LRP1B: variants seen among roughly 807,000 people sequenced by gnomAD.
LRP1B encodes the protein LDL receptor related protein 1B.
LRP1B carries 217 observed loss-of-function variants against 556.6 expected under a neutral mutation model. The ratio of observed to expected loss-of-function variants is 0.39; its 90% CI spans 0.35 to 0.44. The LOEUF (loss-of-function observed/expected upper bound fraction) is 0.44. Among genes scored for constraint, LRP1B ranks in the 20% least tolerant of loss-of-function variants. The pLI is 1.00. For missense variants in LRP1B, 5,053 were observed against 5,620.8 expected (o/e 0.90, Z 3.23); for synonymous variants, 2,047 against 1,865.8 (o/e 1.10, Z -2.50).
At chr2:141,215,337 A>G (rs1682754220) in intron 6 of LRP1B, among the ~76,000 whole-genome samples, 1 of 152,192 alleles carries the variant, frequency 6.6e-6, no homozygotes, top group Non-Finnish European at 1.5e-5. Context: ...TTTTCTTTAT[A>G]AATTACCGAA....
At chr2:142,012,451 A>G (rs1379005458) in intron 1 of LRP1B, among the ~76,000 whole-genome samples, 1 of 152,154 alleles carries the variant, frequency 6.6e-6, no homozygotes, top group Non-Finnish European at 1.5e-5. Context: ...AGGTTTTTAC[A>G]AAGAAGTTGA....
intron 43 of LRP1B, among the ~76,000 whole-genome samples, chr2:140,558,874 T>C (rs1290449300): frequency 6.6e-6 from 1 of 150,562 alleles, no homozygotes; most frequent in Non-Finnish European, 1.5e-5. Flanking sequence ...AGGTAGAGGC[T>C]GCAGTGAGTT....
chr2:140,839,902 T>G, intron 31 of LRP1B, 89 bp downstream of exon 31: 1 of 790,084 alleles, frequency 1.3e-6, no homozygotes, highest in Non-Finnish European at 2.0e-6. Flanking sequence ...ATCTTTAATA[T>G]TTTCTTTCAG....
intron 3 of LRP1B, among the ~76,000 whole-genome samples, chr2:141,306,954 T>A (rs1686613620): frequency 1.3e-5 from 2 of 152,180 alleles, no homozygotes; most frequent in Non-Finnish European, 2.9e-5. Flanking sequence ...TACTCCATTT[T>A]GGTCAGAGAA....
At chr2:141,060,159 G>T (rs1699296421) in intron 8 of LRP1B, among the ~76,000 whole-genome samples, 1 of 151,732 alleles carries the variant, frequency 6.6e-6, no homozygotes, top group African/African-American at 2.4e-5. Flanking sequence ...TATCTTTTTA[G>T]CATATATGAC....
At chr2:140,511,576 C>T (rs1175929940) in intron 51 of LRP1B, among the ~76,000 whole-genome samples, 1 of 152,150 alleles carries the variant, frequency 6.6e-6, no homozygotes, top group Non-Finnish European at 1.5e-5. Flanking sequence ...GCTGGGGTTA[C>T]AGGCGTGAGC....
At chr2:141,225,217 G>A (rs889271354) in intron 6 of LRP1B, among the ~76,000 whole-genome samples, 2 of 152,116 alleles carry the variant, frequency 1.3e-5, no homozygotes, top group African/African-American at 4.8e-5. Context: ...GAGCCCATGA[G>A]TGGCTCAACA....
intron 1 of LRP1B, among the ~76,000 whole-genome samples, chr2:142,054,205 C>T (rs1332060401): frequency 6.6e-6 from 1 of 151,886 alleles, no homozygotes; most frequent in Non-Finnish European, 1.5e-5. Context: ...ATTTAAAATC[C>T]ATTTTAACAC....
chr2:140,693,611 T>A (rs1212599526), intron 41 of LRP1B, among the ~76,000 whole-genome samples: 1 of 152,152 alleles, frequency 6.6e-6, no homozygotes, highest in African/African-American at 2.4e-5. Context: ...ATGTCCTTCA[T>A]AAACATTTTA....
intron 6 of LRP1B, among the ~76,000 whole-genome samples, chr2:141,228,462 G>A (rs892582255): frequency 6.7e-6 from 1 of 150,110 alleles, no homozygotes; most frequent in Admixed American, 6.6e-5. Context: ...AGGAGAGAGA[G>A]AATATGTGTG....
intron 3 of LRP1B, among the ~76,000 whole-genome samples, chr2:141,453,911 T>C (rs1364786207): frequency 1.4e-5 from 2 of 137,960 alleles, no homozygotes; most frequent in East Asian, 2.4e-4. Context: ...AGACTCTGTC[T>C]CAAAAAAAAA....
chr2:141,444,731 A>C (rs191068087), intron 3 of LRP1B, among the ~76,000 whole-genome samples: 2 of 152,290 alleles, frequency 1.3e-5, no homozygotes, highest in African/African-American at 2.4e-5. Context: ...AATTATGTTT[A>C]TTGATTTCCA....
chr2:140,585,767 A>C (rs10928758), intron 43 of LRP1B, among the ~76,000 whole-genome samples: 7,438 of 152,250 alleles, frequency 0.049, 226 homozygotes, highest in Middle Eastern at 0.085. Context: ...CTCTGTGATC[A>C]CATCTACACA....
At chr2:141,020,725 T>G (rs1257945202) in intron 11 of LRP1B, among the ~76,000 whole-genome samples, 1 of 152,024 alleles carries the variant, frequency 6.6e-6, no homozygotes, top group Admixed American at 6.6e-5. Flanking sequence ...CAGGATTATA[T>G]GAGATACAGG....
chr2:141,756,558 C>CAT lies in LRP1B; in HGVS notation c.205+53720_205+53721insAT, dbSNP rs1223894608. On this transcript the variant is annotated intron_variant, in intron 2 of 90. Transcript: ENST00000389484. ...ATCTCTCAAATTACACACACACACA[C>CAT]ACACACACACACACACACACACACA... is the stretch of plus-strand genomic sequence containing the variant. Among the ~76,000 whole-genome samples, 175 of 151,534 alleles carry CAT rather than the reference C, an allele frequency of 1.2e-3. 1 individual carries two copies. Among genetic ancestry groups the CAT allele is most frequent in the African/African-American group, 4.1e-3 (169 of 41,334 alleles).
At chr2:141,124,704 A>G (rs1462431628) in intron 7 of LRP1B, among the ~76,000 whole-genome samples, 2 of 151,752 alleles carry the variant, frequency 1.3e-5, no homozygotes, top group Admixed American at 6.6e-5. Flanking sequence ...TAAAGAGCCC[A>G]TTAAAAGGTA....
At chr2:140,519,739 T>C (rs1690074986) in intron 49 of LRP1B, among the ~76,000 whole-genome samples, 2 of 152,084 alleles carry the variant, frequency 1.3e-5, no homozygotes, top group South Asian at 4.1e-4. Context: ...ATCCAGAATC[T>C]ACAAAGAACT....
intron 2 of LRP1B, among the ~76,000 whole-genome samples, chr2:141,511,407 T>G (rs1019904780): frequency 2.6e-5 from 4 of 152,180 alleles, no homozygotes; most frequent in Admixed American, 1.3e-4. Flanking sequence ...GTATATATTT[T>G]TTTAGATTCA....
chr2:141,812,523 C>T (rs1696392437), intron 1 of LRP1B, among the ~76,000 whole-genome samples: 1 of 151,764 alleles, frequency 6.6e-6, no homozygotes, highest in Admixed American at 6.6e-5. Flanking sequence ...GTGTGTGACT[C>T]AGTGAATAAT....
Sources: allele counts gnomAD v4.1 joint callset (sites outside exome capture counted in the v4.1 genomes callset), GRCh38; gene constraint gnomAD v4.1.1; transcripts MANE v1.5; gene names NCBI Gene and HGNC (gene_info 2026-07-23, HGNC 2026-07-21).